The following NR3C2 variants were observed in gnomAD, a reference collection of about 807,000 sequenced individuals.
NR3C2 encodes the protein nuclear receptor subfamily 3 group C member 2.
In NR3C2, 15 loss-of-function variants were observed where a neutral mutation model predicts 86.4. That is an observed-to-expected ratio of 0.17 (90% CI 0.12 to 0.27). NR3C2 has a LOEUF of 0.27. Among genes scored for constraint, NR3C2 ranks in the 10% least tolerant of loss-of-function variants. NR3C2 has a pLI of 1.00. For synonymous variants in NR3C2, 458 were observed against 450.5 expected (o/e 1.02, Z -0.21); for missense variants, 960 against 1,195.6 (o/e 0.80, Z 2.91).
intron 8 of NR3C2, among the ~76,000 whole-genome samples, chr4:148,095,539 T>C (rs1731239916): frequency 6.6e-6 from 1 of 152,208 alleles, no homozygotes; most frequent in Non-Finnish European, 1.5e-5. Context: ...GAAGCCCTCC[T>C]AGATCTGACC....
At chr4:148,361,996 C>T (rs1745862535) in intron 2 of NR3C2, among the ~76,000 whole-genome samples, 1 of 152,140 alleles carries the variant, frequency 6.6e-6, no homozygotes, top group African/African-American at 2.4e-5. Context: ...CACCACCATG[C>T]CCAGCTAACT....
chr4:148,124,092 G>T (rs937244149), intron 6 of NR3C2, among the ~76,000 whole-genome samples: 3 of 152,160 alleles, frequency 2.0e-5, no homozygotes, highest in African/African-American at 7.2e-5. Context: ...AGAAAAACTA[G>T]TTGGGCATGA....
chr4:148,090,571 CAG>C (rs796655046), intron 8 of NR3C2, among the ~76,000 whole-genome samples: 97 of 152,322 alleles, frequency 6.4e-4, no homozygotes, highest in African/African-American at 1.6e-3. Flanking sequence ...AACCTGCTAA[CAG>C]GGGGAGGTCC....
chr4:148,281,781 AATGCT>A (rs1383785074), intron 2 of NR3C2, among the ~76,000 whole-genome samples: 1 of 152,224 alleles, frequency 6.6e-6, no homozygotes, highest in Non-Finnish European at 1.5e-5. Context: ...CATCATGCTA[AATGCT>A]ATAGGAGACG....
intron 4 of NR3C2, among the ~76,000 whole-genome samples, chr4:148,187,878 T>C (rs1736005366): frequency 6.6e-6 from 1 of 152,232 alleles, no homozygotes; most frequent in Non-Finnish European, 1.5e-5. Context: ...CCTTAATCCA[T>C]CTTGAGTTGA....
chr4:148,090,200 C>T (rs903092210), intron 8 of NR3C2, among the ~76,000 whole-genome samples: 1 of 152,200 alleles, frequency 6.6e-6, no homozygotes, highest in African/African-American at 2.4e-5. Flanking sequence ...TCTCTCAAGG[C>T]GTCTGTGTTC....
At chr4:148,330,652 C>T (rs1353211776) in intron 2 of NR3C2, among the ~76,000 whole-genome samples, 1 of 152,152 alleles carries the variant, frequency 6.6e-6, no homozygotes, top group Non-Finnish European at 1.5e-5. Context: ...TGTTATTCTC[C>T]CATTTGACTT....
intron 3 of NR3C2, among the ~76,000 whole-genome samples, chr4:148,227,515 G>A (rs1425773807): frequency 6.6e-6 from 1 of 152,042 alleles, no homozygotes; most frequent in African/African-American, 2.4e-5. Context: ...CAAATATTCT[G>A]CTTCTTATAT....
chr4:148,357,815 G>C (rs566573269), intron 2 of NR3C2, among the ~76,000 whole-genome samples: 3 of 151,930 alleles, frequency 2.0e-5, no homozygotes, highest in Non-Finnish European at 4.4e-5. Context: ...TTAGTTCCTG[G>C]CATGTTAAAA....
intron 3 of NR3C2, among the ~76,000 whole-genome samples, chr4:148,198,136 A>G (rs927529495): frequency 6.6e-6 from 1 of 152,168 alleles, no homozygotes; most frequent in Non-Finnish European, 1.5e-5. Context: ...AGGGAAAATA[A>G]AAGCAAAAAT....
At chr4:148,276,244 G>A (rs1740955153) in intron 2 of NR3C2, among the ~76,000 whole-genome samples, 1 of 152,056 alleles carries the variant, frequency 6.6e-6, no homozygotes, top group South Asian at 2.1e-4. Context: ...CTATTTTGTT[G>A]ATTTCCTATT....
intron 2 of NR3C2, among the ~76,000 whole-genome samples, chr4:148,323,577 C>T (rs999273941): frequency 2.6e-5 from 4 of 151,910 alleles, no homozygotes; most frequent in African/African-American, 9.7e-5. Flanking sequence ...GACATAATCT[C>T]GTGGTGCGCC....
intron 2 of NR3C2, among the ~76,000 whole-genome samples, chr4:148,292,019 T>G (rs546721116): frequency 1.3e-5 from 2 of 152,158 alleles, no homozygotes; most frequent in Non-Finnish European, 2.9e-5. Flanking sequence ...TTATGGGCAC[T>G]TGAAGTACAG....
chr4:148,228,095 A>G (rs1252492631), intron 3 of NR3C2, among the ~76,000 whole-genome samples: 1 of 152,218 alleles, frequency 6.6e-6, no homozygotes, highest in Non-Finnish European at 1.5e-5. Context: ...GTATGTATGC[A>G]TATTAAAAGC....
At chr4:148,361,191 AT>A (rs1171695799) in intron 2 of NR3C2, among the ~76,000 whole-genome samples, 1 of 152,216 alleles carries the variant, frequency 6.6e-6, no homozygotes. Flanking sequence ...AAGATTACAC[AT>A]CCAGAATAAA....
chr4:148,145,813 T>C (rs1204627150), intron 6 of NR3C2, among the ~76,000 whole-genome samples: 1 of 152,048 alleles, frequency 6.6e-6, no homozygotes, highest in Non-Finnish European at 1.5e-5. Context: ...TTAAACTTTA[T>C]TCCCTCATAC....
chr4:148,355,797 G>T (rs1512332), intron 2 of NR3C2, among the ~76,000 whole-genome samples: 10,465 of 152,206 alleles, frequency 0.069, 428 homozygotes, highest in African/African-American at 0.12. Context: ...ATAACACTTC[G>T]CATAAATAGG....
intron 8 of NR3C2, among the ~76,000 whole-genome samples, chr4:148,089,447 C>G (rs1483243604): frequency 1.3e-5 from 2 of 152,214 alleles, no homozygotes; most frequent in African/African-American, 2.4e-5. Context: ...TAAAGTGCTT[C>G]AAATTCCACC....
At chr4:148,301,711 T>G (rs1742344117) in intron 2 of NR3C2, among the ~76,000 whole-genome samples, 1 of 152,244 alleles carries the variant, frequency 6.6e-6, no homozygotes, top group South Asian at 2.1e-4. Context: ...GAATTCTATT[T>G]CATAACATCA....
Sources: gnomAD v4.1 joint callset for allele counts (sites outside exome capture counted in the v4.1 genomes callset) on GRCh38, gnomAD v4.1.1 for gene constraint, MANE v1.5 for transcripts, NCBI Gene and HGNC (gene_info 2026-07-23, HGNC 2026-07-21) for gene names.